TXNDC5: variants seen among roughly 807,000 people sequenced by gnomAD.
The protein encoded by TXNDC5 is thioredoxin domain-containing protein 5.
A neutral mutation model predicts 52.6 loss-of-function variants in TXNDC5; 44 were observed. That is an observed-to-expected ratio of 0.84 (90% CI 0.66 to 1.08). The LOEUF (loss-of-function observed/expected upper bound fraction) is 1.08, where lower values mean the gene tolerates loss of function less well. TXNDC5 is among the 50% of genes least tolerant of loss of function. The probability of loss-of-function intolerance (pLI) is 0.00; values close to 1 mark genes in which losing one functional copy is unlikely to be tolerated. For missense variants in TXNDC5, 600 were observed against 565.5 expected (o/e 1.06, Z -0.62); for synonymous variants, 241 against 234.4 (o/e 1.03, Z -0.26).
intron 5 of TXNDC5, among the ~76,000 whole-genome samples, chr6:7,891,285 C>T (rs1034653045): frequency 1.3e-5 from 2 of 152,090 alleles, no homozygotes; most frequent in African/African-American, 4.8e-5. Context: ...TGAGGTCGAA[C>T]GTGGACGGTC....
At chr6:7,909,009 T>C (rs1477904186) in intron 1 of TXNDC5, among the ~76,000 whole-genome samples, 1 of 152,204 alleles carries the variant, frequency 6.6e-6, no homozygotes, top group East Asian at 1.9e-4. Context: ...AAGTAATTTC[T>C]AAACCATTGG....
chr6:7,902,173 A>C (rs1358400767), intron 2 of TXNDC5, among the ~76,000 whole-genome samples: 1 of 152,172 alleles, frequency 6.6e-6, no homozygotes, highest in Non-Finnish European at 1.5e-5. Context: ...TTTCAGAGGG[A>C]GCATGACCCT....
chr6:7,894,876 C>A (rs575299931), intron 4 of TXNDC5: 49 of 985,270 alleles, frequency 5.0e-5, no homozygotes, highest in African/African-American at 7.0e-5. Context: ...GTGCGGGTCA[C>A]GTGTGCTTAG....
Position 7,899,701 on chromosome 6 carries a change from T to G in TXNDC5, c.414-20A>C. On this transcript the variant is annotated intron_variant, in intron 2 of 9. Coordinates refer to ENST00000379757, the MANE Select transcript of TXNDC5 (RefSeq NM_030810.5). The stretch of plus-strand genomic sequence containing the variant: ...TTTAAGCTGAAAGAATAACAAAGGA[T>G]TAGACAGAGCAAAAAGAAAGTTGTC... 2 of 1,597,636 alleles carry G rather than the reference T, an allele frequency of 1.3e-6. No individual in the cohort carries two copies. The highest frequency in any genetic ancestry group is 1.7e-6 in the Non-Finnish European group (2 of 1,169,668).
intron 5 of TXNDC5, among the ~76,000 whole-genome samples, chr6:7,890,628 CAATA>C (rs542519645): frequency 3.9e-4 from 60 of 152,220 alleles, no homozygotes; most frequent in Non-Finnish European, 7.1e-4. Flanking sequence ...CCGAAATGTT[CAATA>C]AATATAAACT....
intron 4 of TXNDC5, among the ~76,000 whole-genome samples, chr6:7,894,124 T>C (rs1760290924): frequency 6.6e-6 from 1 of 152,180 alleles, no homozygotes; most frequent in African/African-American, 2.4e-5. Flanking sequence ...TGGGTTTTGT[T>C]TGGTTGTTTT....
intron 5 of TXNDC5, 102 bp from the exon 6 acceptor site, chr6:7,889,683 A>G: frequency 1.1e-6 from 1 of 895,430 alleles, no homozygotes; most frequent in Non-Finnish European, 1.7e-6. Flanking sequence ...TCTTTTCAAA[A>G]TCCACATTCT....
At chr6:7,884,534 T>A (rs1403515250) in intron 8 of TXNDC5, 46 bp from the exon 9 acceptor site, 1 of 1,612,310 alleles carries the variant, frequency 6.2e-7, no homozygotes, top group African/African-American at 1.3e-5. Context: ...TGGGTCGAGA[T>A]CATTCACCTA....
chr6:7,889,487 A>G lies in TXNDC5; in HGVS notation c.819+8T>C. On this transcript the variant is annotated splice_region_variant and intron_variant, in intron 6 of 9. Transcript: ENST00000379757. ...AAGAATTCTCAGTACTAAGAAGTGCAGACGTACCTTTTTCCCATCTCGGAA... is the reference window on the plus strand; with the variant it reads ...AAGAATTCTCAGTACTAAGAAGTGCGGACGTACCTTTTTCCCATCTCGGAA... The G allele has an allele frequency of 6.2e-7, 1 of 1,612,880 alleles. No homozygotes were observed. Among genetic ancestry groups the G allele is most frequent in the Non-Finnish European group, 8.5e-7 (1 of 1,178,920 alleles).
At position 7,889,485 on chromosome 6, in the gene TXNDC5, G is replaced by A. The variant is rs1384376756; in HGVS notation, c.819+10C>T. ...TGAAGAATTCTCAGTACTAAGAAGT[G>A]CAGACGTACCTTTTTCCCATCTCGG... On this transcript the variant is annotated intron_variant, in intron 6 of 9. Coordinates refer to ENST00000379757, the MANE Select transcript of TXNDC5 (RefSeq NM_030810.5). 1 of 1,612,474 alleles carries A rather than the reference G, an allele frequency of 6.2e-7. No homozygotes were observed. The highest frequency in any genetic ancestry group is 1.1e-5 in the South Asian group (1 of 91,032).
Position 7,882,358 on chromosome 6 carries a change from T to G in TXNDC5, c.*786A>C, listed in dbSNP as rs1043042023. The G allele has an allele frequency of 6.6e-6, 1 of 152,192 alleles. No homozygotes were observed. Among genetic ancestry groups the G allele is most frequent in the African/African-American group, 2.4e-5 (1 of 41,434 alleles). The allele number at this position is 152,192 out of a possible 1,614,324, so 9.4% of individuals were successfully genotyped here. Reference sequence around the variant, plus strand: ...CGTGGAATTTTCCATGCCTACCCTTTCTAAGGAAGACATCCAACAGTTCAT... The same window carrying G: ...CGTGGAATTTTCCATGCCTACCCTTGCTAAGGAAGACATCCAACAGTTCAT... On this transcript the variant is annotated 3_prime_UTR_variant, in exon 10 of 10. Transcript: ENST00000379757.
intron 5 of TXNDC5, among the ~76,000 whole-genome samples, chr6:7,890,326 C>G (rs1472596643): frequency 1.3e-5 from 2 of 152,038 alleles, no homozygotes; most frequent in Non-Finnish European, 2.9e-5. Flanking sequence ...ATTTCAACAC[C>G]TAAGACCCGT....
intron 8 of TXNDC5, among the ~76,000 whole-genome samples, chr6:7,885,033 G>A (rs560722889): frequency 4.2e-4 from 64 of 152,226 alleles, no homozygotes; most frequent in Admixed American, 1.3e-3. Context: ...CCCTCCTGCC[G>A]TATGGATGGC....
intron 5 of TXNDC5, among the ~76,000 whole-genome samples, chr6:7,890,394 G>A (rs999819904): frequency 9.2e-5 from 14 of 152,334 alleles, no homozygotes; most frequent in Middle Eastern, 3.4e-3. Context: ...AAGGTCGGGA[G>A]AGGACAAGCA....
Position 7,892,382 on chromosome 6 carries a change from C to G in TXNDC5, c.617-646G>C, listed in dbSNP as rs560556208. ...CGGGGAGCTCTACAGGTCAAACCAC[C>G]TATGTCTTCAGCAAGAAAGATAAAG... On this transcript the variant is annotated intron_variant, in intron 4 of 9. Transcript: ENST00000379757. 3.9e-5 allele frequency among the ~76,000 whole-genome samples: 6 copies of G among 152,344 alleles called. 2 individuals are homozygous for G. The highest frequency in any genetic ancestry group is 1.2e-4 in the African/African-American group (5 of 41,592).
chr6:7,910,094 G>A (rs1760864852), intron 1 of TXNDC5: 2 of 986,054 alleles, frequency 2.0e-6, no homozygotes, highest in Non-Finnish European at 2.4e-6. Flanking sequence ...CGCGGCGCAG[G>A]GCGGGCTTTT....
intron 5 of TXNDC5, 136 bp downstream of exon 5, chr6:7,891,485 A>C: frequency 3.3e-6 from 2 of 613,534 alleles, no homozygotes; most frequent in Non-Finnish European, 5.6e-6. Context: ...AGGTGAAATG[A>C]ATTATCAAGT....
chr6:7,902,847 A>C (rs1760612730), intron 2 of TXNDC5, among the ~76,000 whole-genome samples: 1 of 152,024 alleles, frequency 6.6e-6, no homozygotes, highest in South Asian at 2.1e-4. Context: ...GGCCTTTTTA[A>C]ATTTGTGACT....
intron 2 of TXNDC5, among the ~76,000 whole-genome samples, chr6:7,900,623 C>T (rs6933089): frequency 0.015 from 2,353 of 152,258 alleles, 52 homozygotes; most frequent in African/African-American, 0.053. Context: ...CTTAGTTCAA[C>T]GGCTGTAACA....
Sources: allele counts gnomAD v4.1 joint callset (sites outside exome capture counted in the v4.1 genomes callset), GRCh38; gene constraint gnomAD v4.1.1; transcripts MANE v1.5; gene names NCBI Gene and HGNC (gene_info 2026-07-23, HGNC 2026-07-21).